TCF7L2: variants seen among roughly 807,000 people sequenced by gnomAD.
TCF7L2 encodes transcription factor 7 like 2, also known as transcription factor 7-like 2.
A neutral mutation model predicts 77.9 loss-of-function variants in TCF7L2; 23 were observed. The ratio of observed to expected loss-of-function variants is 0.30; its 90% CI spans 0.21 to 0.42. The LOEUF is 0.42. TCF7L2 is among the 10% of genes least tolerant of loss of function. The pLI is 1.00. For synonymous variants in TCF7L2, 413 were observed against 340.2 expected (o/e 1.21, Z -2.36); for missense variants, 654 against 793.1 (o/e 0.82, Z 2.11).
rs192797795 is a variant in TCF7L2, at chr10:113,160,563, A to G, written c.1319-56A>G. ...AAGCTGTAGCTGAGATTTCACATCC[A>G]ACTGAGCACGACCCACCATTGTGTT... is the stretch of plus-strand genomic sequence containing the variant. On this transcript the variant is annotated intron_variant, in intron 12 of 13. Transcript: ENST00000627217. 1.2e-4 allele frequency: 177 copies of G among 1,503,784 alleles called. 2 individuals carry two copies. In the East Asian group the frequency reaches 3.5e-3, roughly 30 times the overall value. The allele number at this position is 1,503,784 out of a possible 1,614,324, so 93.2% of individuals were successfully genotyped here. A position where few individuals can be genotyped will look rare whatever the true frequency, so the allele number is the denominator to read the frequency against.
intron 4 of TCF7L2, among the ~76,000 whole-genome samples, chr10:112,981,897 C>T (rs2040542210): frequency 6.6e-6 from 1 of 152,186 alleles, no homozygotes. Flanking sequence ...AAGTCTCAGG[C>T]AAGGCAGCCC....
In TCF7L2 at chr10:112,975,478, T is replaced by G. The variant is rs2039233216; in HGVS notation, c.450+10854T>G. ...TTGTAGGGTGTTTATTTTTAAATTT[T>G]ATTTATTTTTATTTTTATTTGAGAC... On this transcript the variant is annotated intron_variant, in intron 4 of 13. Transcript: ENST00000627217. Among the ~76,000 whole-genome samples the G allele has an allele frequency of 3.9e-5, 6 of 152,210 alleles. No individual in the cohort carries two copies. In the South Asian group the frequency reaches 1.2e-3, roughly 31 times the overall value.
intron 5 of TCF7L2, among the ~76,000 whole-genome samples, chr10:113,127,587 G>C (rs1401378661): frequency 6.6e-6 from 1 of 151,962 alleles, no homozygotes; most frequent in African/African-American, 2.4e-5. Context: ...TTTTGGGGAA[G>C]TGTTTTTTTG....
rs59587175 is a variant in TCF7L2, at chr10:112,965,629, A to ATGTG, written c.450+1050_450+1053dup. On this transcript the variant is annotated intron_variant, in intron 4 of 13. Transcript: ENST00000627217. ...AGATAACTTGTCTGTGTGTGTGTAT[A>ATGTG]TGTGTGTGTGTGTGTGTGTGTGTGT... is the stretch of plus-strand genomic sequence containing the variant. Among the ~76,000 whole-genome samples the ATGTG allele has an allele frequency of 1.7e-3, 238 of 137,312 alleles. 3 individuals are homozygous for ATGTG. Among genetic ancestry groups the ATGTG allele is most frequent in the East Asian group, 8.1e-3 (22 of 2,722 alleles). The allele number at this position is 137,312 out of a possible 152,430, so 90.1% of individuals were successfully genotyped here. A position where few individuals can be genotyped will look rare whatever the true frequency, so the allele number is the denominator to read the frequency against.
At chr10:113,136,621 G>A (rs1336454914) in intron 5 of TCF7L2, among the ~76,000 whole-genome samples, 2 of 152,142 alleles carry the variant, frequency 1.3e-5, no homozygotes, top group South Asian at 2.1e-4. Context: ...AATAGTTCCC[G>A]AAAGGAACCT....
intron 8 of TCF7L2, among the ~76,000 whole-genome samples, chr10:113,148,674 G>C (rs957835033): frequency 6.6e-6 from 1 of 152,152 alleles, no homozygotes; most frequent in South Asian, 2.1e-4. Flanking sequence ...GCAGACGGGG[G>C]TATATAATGA....
intron 5 of TCF7L2, among the ~76,000 whole-genome samples, chr10:113,049,069 ATG>A (rs2053946471): frequency 6.6e-6 from 1 of 152,048 alleles, no homozygotes; most frequent in South Asian, 2.1e-4. Flanking sequence ...GTGTATTGCT[ATG>A]TCCAGTTTAC....
At chr10:113,152,588 G>C (rs558586184) in intron 11 of TCF7L2, 148 bp downstream of exon 11, 2 of 633,962 alleles carry the variant, frequency 3.2e-6, no homozygotes, top group African/African-American at 3.7e-5. Flanking sequence ...CATCTTCCTG[G>C]ATCGCTAAAC....
chr10:113,077,197 G>T (rs1355896558), intron 5 of TCF7L2, among the ~76,000 whole-genome samples: 1 of 152,052 alleles, frequency 6.6e-6, no homozygotes, highest in Non-Finnish European at 1.5e-5. Context: ...TGTAAAATGG[G>T]AATAATAATT....
intron 5 of TCF7L2, among the ~76,000 whole-genome samples, chr10:113,106,895 CTA>C (rs1280899320): frequency 6.6e-6 from 1 of 152,306 alleles, no homozygotes; most frequent in East Asian, 1.9e-4. Flanking sequence ...GGCACCAACA[CTA>C]TGTGAGAAAA....
At chr10:113,133,880 G>A (rs142494621) in intron 5 of TCF7L2, among the ~76,000 whole-genome samples, 209 of 152,276 alleles carry the variant, frequency 1.4e-3, no homozygotes, top group Middle Eastern at 6.8e-3. Context: ...GATTGGAGAC[G>A]CTCTAACTCT....
At chr10:112,964,481 T>G (rs2036036304) in intron 3 of TCF7L2, 75 bp from the exon 4 acceptor site, 1 of 1,410,420 alleles carries the variant, frequency 7.1e-7, no homozygotes, top group Admixed American at 1.7e-5. Flanking sequence ...TTGTCTGCTA[T>G]TCATAAACTG....
chr10:112,980,273 C>T (rs1564739201), intron 4 of TCF7L2, among the ~76,000 whole-genome samples: 1 of 152,146 alleles, frequency 6.6e-6, no homozygotes, highest in Non-Finnish European at 1.5e-5. Context: ...CTTTTCAGGG[C>T]CTTCTGTGGT....
chr10:113,092,917 G>A (rs1252285937), intron 5 of TCF7L2, among the ~76,000 whole-genome samples: 1 of 152,106 alleles, frequency 6.6e-6, no homozygotes, highest in African/African-American at 2.4e-5. Context: ...CTGAAAATCC[G>A]GATCCCACAG....
At chr10:113,117,654 C>T (rs572969263) in intron 5 of TCF7L2, among the ~76,000 whole-genome samples, 1 of 152,140 alleles carries the variant, frequency 6.6e-6, no homozygotes, top group South Asian at 2.1e-4. Flanking sequence ...TTGTGGTGCG[C>T]GCTTAGTCAA....
chr10:113,124,411 G>A (rs775203548), intron 5 of TCF7L2, among the ~76,000 whole-genome samples: 3 of 152,100 alleles, frequency 2.0e-5, no homozygotes, highest in Non-Finnish European at 2.9e-5. Context: ...ACGATTCATT[G>A]GGTAGATTAA....
intron 4 of TCF7L2, among the ~76,000 whole-genome samples, chr10:113,023,445 A>G (rs2048561670): frequency 6.6e-6 from 1 of 152,140 alleles, no homozygotes; most frequent in Non-Finnish European, 1.5e-5. Context: ...AGAGGGATAT[A>G]TTTAAAATAC....
At chr10:113,135,758 C>G (rs1397335209) in intron 5 of TCF7L2, among the ~76,000 whole-genome samples, 3 of 152,202 alleles carry the variant, frequency 2.0e-5, no homozygotes, top group Non-Finnish European at 2.9e-5. Flanking sequence ...AAAATCCCTG[C>G]TAAAAATATT....
chr10:112,964,763 GTGGTGGTGGTGGTGA>G (rs1564719004), intron 4 of TCF7L2, 139 bp downstream of exon 4: 20 of 642,280 alleles, frequency 3.1e-5, no homozygotes, highest in Middle Eastern at 3.9e-4. Flanking sequence ...GGTGGTGATG[GTGGTGGTGGTGGTGA>G]TGGTGGTGGT....
Sources: gnomAD v4.1 joint callset for allele counts (sites outside exome capture counted in the v4.1 genomes callset) on GRCh38, gnomAD v4.1.1 for gene constraint, MANE v1.5 for transcripts, NCBI Gene and HGNC (gene_info 2026-07-23, HGNC 2026-07-21) for gene names.